The following SLC16A9 variants were observed in gnomAD, a reference collection of about 807,000 sequenced individuals.
SLC16A9 encodes solute carrier family 16 member 9.
In SLC16A9, 26 loss-of-function variants were observed where a neutral mutation model predicts 44.3. That is an observed-to-expected ratio of 0.59 (90% confidence interval 0.43 to 0.81). The LOEUF (loss-of-function observed/expected upper bound fraction) is 0.81. Ranked by LOEUF, SLC16A9 falls within the 40% of genes least tolerant of loss-of-function variation. The pLI is 0.00. For missense variants in SLC16A9, 559 were observed against 595.8 expected (o/e 0.94, Z 0.64); for synonymous variants, 230 against 225.1 (o/e 1.02, Z -0.19).
chr10:59,694,555 C>T (rs1588992251), intron 1 of SLC16A9, among the ~76,000 whole-genome samples: 1 of 151,408 alleles, frequency 6.6e-6, no homozygotes, highest in Non-Finnish European at 1.5e-5. Context: ...TATTCCAGCA[C>T]TTTGGGAGGC....
intron 2 of SLC16A9, among the ~76,000 whole-genome samples, chr10:59,682,593 T>A (rs1840047588): frequency 1.3e-5 from 2 of 152,212 alleles, no homozygotes; most frequent in African/African-American, 4.8e-5. Flanking sequence ...TGAGTCAGCA[T>A]TTTAATTATC....
intron 1 of SLC16A9, among the ~76,000 whole-genome samples, chr10:59,695,174 G>C (rs926266971): frequency 6.6e-6 from 1 of 151,992 alleles, no homozygotes; most frequent in Non-Finnish European, 1.5e-5. Flanking sequence ...GGGAGAAATG[G>C]GGAGTGACTG....
chr10:59,687,214 CTTCTT>C (rs1840154580), intron 1 of SLC16A9, among the ~76,000 whole-genome samples: 1 of 152,134 alleles, frequency 6.6e-6, no homozygotes, highest in South Asian at 2.1e-4. Context: ...CCCTAATTTC[CTTCTT>C]TTGTCTTTGC....
intron 1 of SLC16A9, among the ~76,000 whole-genome samples, chr10:59,703,787 C>T (rs1249248003): frequency 6.6e-6 from 1 of 150,936 alleles, no homozygotes; most frequent in Non-Finnish European, 1.5e-5. Flanking sequence ...GGCGAGATCT[C>T]GGCTCACTGC....
intron 4 of SLC16A9, among the ~76,000 whole-genome samples, chr10:59,662,376 C>T (rs1489932572): frequency 1.3e-5 from 2 of 151,522 alleles, no homozygotes; most frequent in Non-Finnish European, 1.5e-5. Flanking sequence ...GTGGCTCACA[C>T]CTTTAATCCC....
rs887790569 is a variant in SLC16A9, at chr10:59,655,295, GCAAA to G, written c.437-710_437-707del. Reference sequence around the variant, plus strand: ...CAGAGTGAGACTCCGTCTCAAACAAGCAAACAAACAAACAAAAAAACCCAAAAAC... The same window carrying G: ...CAGAGTGAGACTCCGTCTCAAACAAGCAAACAAACAAAAAAACCCAAAAAC... On this transcript the variant is annotated intron_variant, in intron 4 of 5. Coordinates refer to ENST00000395348, the MANE Select transcript of SLC16A9 (RefSeq NM_194298.3). Among the ~76,000 whole-genome samples the G allele has an allele frequency of 6.6e-5, 10 of 151,970 alleles. No homozygotes were observed. The East Asian group carries it at 1.2e-3, about 18-fold the overall frequency.
chr10:59,699,239 CAAATT>C, intron 1 of SLC16A9, among the ~76,000 whole-genome samples: 1 of 152,266 alleles, frequency 6.6e-6, no homozygotes, highest in South Asian at 2.1e-4. Context: ...TTAATTTGCT[CAAATT>C]AACCAAACAA....
chr10:59,667,906 T>C (rs1839657108), intron 3 of SLC16A9, among the ~76,000 whole-genome samples: 1 of 152,180 alleles, frequency 6.6e-6, no homozygotes, highest in South Asian at 2.1e-4. Flanking sequence ...ACATTTCTTT[T>C]CCACACTTTA....
chr10:59,700,703 C>G (rs1840503608), intron 1 of SLC16A9, among the ~76,000 whole-genome samples: 3 of 152,200 alleles, frequency 2.0e-5, no homozygotes, highest in Admixed American at 2.0e-4. Context: ...AGGGTACTCT[C>G]CCTACCTCTG....
At chr10:59,686,379 G>A (rs1840134999) in intron 1 of SLC16A9, among the ~76,000 whole-genome samples, 1 of 152,142 alleles carries the variant, frequency 6.6e-6, no homozygotes, top group South Asian at 2.1e-4. Context: ...CTTTCATTAG[G>A]ACTGAGTTAA....
chr10:59,661,458 T>C (rs1839473244), intron 4 of SLC16A9, among the ~76,000 whole-genome samples: 1 of 152,060 alleles, frequency 6.6e-6, no homozygotes, highest in African/African-American at 2.4e-5. Context: ...AAGGACCTCT[T>C]CAAGGAGAAC....
At chr10:59,658,926 C>G (rs948563821) in intron 4 of SLC16A9, among the ~76,000 whole-genome samples, 1 of 152,188 alleles carries the variant, frequency 6.6e-6, no homozygotes, top group African/African-American at 2.4e-5. Flanking sequence ...AGAATAACTA[C>G]TGACGTTCTT....
intron 2 of SLC16A9, 92 bp downstream of exon 2, chr10:59,684,004 G>A: frequency 1.0e-6 from 1 of 1,000,024 alleles, no homozygotes. Flanking sequence ...ACTTTGAAAA[G>A]AAAGCCCTCT....
At chr10:59,657,488 A>T (rs1839375549) in intron 4 of SLC16A9, among the ~76,000 whole-genome samples, 1 of 152,222 alleles carries the variant, frequency 6.6e-6, no homozygotes, top group Non-Finnish European at 1.5e-5. Context: ...GTGGGTTCAT[A>T]CTTCTCCCTA....
At chr10:59,707,049 G>C (rs1490505018) in intron 1 of SLC16A9, among the ~76,000 whole-genome samples, 2 of 148,540 alleles carry the variant, frequency 1.3e-5, no homozygotes, top group African/African-American at 2.5e-5. Context: ...GCTCATGCCT[G>C]TAATCCAGCT....
chr10:59,695,863 A>G lies in SLC16A9; in HGVS notation c.-36-11536T>C, dbSNP rs571824758. 2.8e-4 allele frequency among the ~76,000 whole-genome samples: 43 copies of G among 152,324 alleles called. 1 individual carries two copies. Among genetic ancestry groups the G allele is most frequent in the African/African-American group, 1.0e-3 (43 of 41,588 alleles). ...TAGGTACATATGGAGGAAGGAGATAACAGAAAACTATTTTAAGCAAGTTAA... is the reference window on the plus strand; with the variant it reads ...TAGGTACATATGGAGGAAGGAGATAGCAGAAAACTATTTTAAGCAAGTTAA... On this transcript the variant is annotated intron_variant, in intron 1 of 5. Transcript: ENST00000395348.
At chr10:59,668,489 A>G (rs1308246763) in intron 3 of SLC16A9, among the ~76,000 whole-genome samples, 1 of 152,144 alleles carries the variant, frequency 6.6e-6, no homozygotes, top group Non-Finnish European at 1.5e-5. Context: ...ACACACATAC[A>G]TTGGCTTCCT....
At chr10:59,691,875 T>A (rs935494676) in intron 1 of SLC16A9, among the ~76,000 whole-genome samples, 1 of 152,236 alleles carries the variant, frequency 6.6e-6, no homozygotes, top group Non-Finnish European at 1.5e-5. Flanking sequence ...ACTGAGTATT[T>A]CTATCCCTGA....
chr10:59,692,000 T>A (rs1840263220), intron 1 of SLC16A9, among the ~76,000 whole-genome samples: 1 of 152,236 alleles, frequency 6.6e-6, no homozygotes, highest in Non-Finnish European at 1.5e-5. Flanking sequence ...CCCAAAATTA[T>A]CTTTCCCTAA....
Sources: gnomAD v4.1 joint callset for allele counts (sites outside exome capture counted in the v4.1 genomes callset) on GRCh38, gnomAD v4.1.1 for gene constraint, MANE v1.5 for transcripts, NCBI Gene and HGNC (gene_info 2026-07-23, HGNC 2026-07-21) for gene names.